Variants in IKZF2 observed in about 807,000 individuals in gnomAD.
IKZF2 encodes the protein zinc finger protein Helios.
IKZF2 carries 15 observed loss-of-function variants against 49.2 expected under a neutral mutation model. The ratio of observed to expected loss-of-function variants is 0.30; its 90% CI spans 0.20 to 0.47. The LOEUF (loss-of-function observed/expected upper bound fraction) is 0.47, where lower values mean the gene tolerates loss of function less well. Ranked by LOEUF, IKZF2 falls within the 20% of genes least tolerant of loss-of-function variation. The pLI is 1.00. For synonymous variants in IKZF2, 227 were observed against 221.4 expected, an observed-to-expected ratio of 1.03 and a Z score of -0.23; for missense variants, 567 against 664.6, an observed-to-expected ratio of 0.85 and a Z score of 1.61.
At chr2:213,149,452 T>C (rs1434767336) in intron 2 of IKZF2, among the ~76,000 whole-genome samples, 1 of 152,146 alleles carries the variant, frequency 6.6e-6, no homozygotes, top group Non-Finnish European at 1.5e-5. Flanking sequence ...TGACACCCCC[T>C]AGCTTTGATT....
At chr2:213,074,266 G>A (rs77320219) in intron 4 of IKZF2, among the ~76,000 whole-genome samples, 4 of 152,122 alleles carry the variant, frequency 2.6e-5, no homozygotes, top group African/African-American at 9.7e-5. Context: ...GTCCTTAGCT[G>A]TGAACACTAT....
chr2:213,039,423 A>G (rs545134346), intron 6 of IKZF2, among the ~76,000 whole-genome samples: 6 of 152,214 alleles, frequency 3.9e-5, no homozygotes, highest in Admixed American at 6.5e-5. Flanking sequence ...GGGGATTTAT[A>G]TGGTACATCT....
chr2:213,030,254 T>G (rs1698261779), intron 6 of IKZF2, among the ~76,000 whole-genome samples: 1 of 152,146 alleles, frequency 6.6e-6, no homozygotes, highest in South Asian at 2.1e-4. Context: ...TTTAGAAATA[T>G]CCACACCTAC....
intron 4 of IKZF2, among the ~76,000 whole-genome samples, chr2:213,128,159 G>C (rs13382408): frequency 0.055 from 8,312 of 152,214 alleles, 751 homozygotes; most frequent in African/African-American, 0.19. Context: ...TAGAATGCAA[G>C]TGGTAACTTT....
intron 4 of IKZF2, among the ~76,000 whole-genome samples, chr2:213,112,401 A>C (rs2059737734): frequency 7.1e-6 from 1 of 140,092 alleles, no homozygotes; most frequent in East Asian, 2.0e-4. Context: ...GTCTAAATAC[A>C]TATTAATGTT....
chr2:213,047,948 G>T (rs1321868933), intron 6 of IKZF2, among the ~76,000 whole-genome samples: 2 of 151,940 alleles, frequency 1.3e-5, no homozygotes, highest in African/African-American at 4.8e-5. Context: ...GTATTTGATT[G>T]GAAGAAGAAC....
At chr2:213,074,707 G>C (rs1199186713) in intron 4 of IKZF2, among the ~76,000 whole-genome samples, 1 of 152,090 alleles carries the variant, frequency 6.6e-6, no homozygotes, top group East Asian at 1.9e-4. Flanking sequence ...TAAGAATCTA[G>C]ATTCTGTTCT....
chr2:213,078,640 C>T (rs1002555740), intron 4 of IKZF2, among the ~76,000 whole-genome samples: 2 of 152,214 alleles, frequency 1.3e-5, no homozygotes, highest in Non-Finnish European at 2.9e-5. Flanking sequence ...CCTCTAAATA[C>T]TGTGTTTCTT....
intron 4 of IKZF2, among the ~76,000 whole-genome samples, chr2:213,115,928 T>C (rs879689624): frequency 1.3e-5 from 2 of 149,202 alleles, no homozygotes; most frequent in Admixed American, 1.3e-4. Flanking sequence ...AAAAAAAAGC[T>C]GTGTAACATC....
chr2:213,049,918 G>T (rs1291595762), intron 5 of IKZF2, 38 bp from the exon 6 acceptor site: 8 of 1,415,340 alleles, frequency 5.7e-6, no homozygotes, highest in African/African-American at 1.4e-5. Context: ...ATCAACTAGG[G>T]TATGTGCAAG....
intron 4 of IKZF2, among the ~76,000 whole-genome samples, chr2:213,117,515 T>C (rs181231724): frequency 5.3e-5 from 8 of 152,168 alleles, no homozygotes; most frequent in African/African-American, 1.9e-4. Context: ...CCAGAAAAAA[T>C]GCTAGGCACA....
intron 4 of IKZF2, among the ~76,000 whole-genome samples, chr2:213,134,120 C>A (rs2060571641): frequency 6.6e-6 from 1 of 152,186 alleles, no homozygotes; most frequent in African/African-American, 2.4e-5. Context: ...AGAGTATGAT[C>A]TCAAGAAAGT....
At chr2:213,094,990 T>C (rs1003889713) in intron 4 of IKZF2, among the ~76,000 whole-genome samples, 5 of 152,148 alleles carry the variant, frequency 3.3e-5, no homozygotes, top group Admixed American at 1.3e-4. Flanking sequence ...TGAAGTGGTA[T>C]ATGAGAATTA....
chr2:213,142,958 T>C (rs962361673), intron 4 of IKZF2, among the ~76,000 whole-genome samples: 2 of 151,958 alleles, frequency 1.3e-5, no homozygotes, highest in Non-Finnish European at 2.9e-5. Context: ...AACAGAGGTA[T>C]ATTGGGTCTC....
chr2:213,058,376 GTCC>G (rs1701365902), intron 4 of IKZF2, among the ~76,000 whole-genome samples: 1 of 152,044 alleles, frequency 6.6e-6, no homozygotes, highest in South Asian at 2.1e-4. Flanking sequence ...ATTTCACCAT[GTCC>G]TTTATAAAAC....
intron 4 of IKZF2, among the ~76,000 whole-genome samples, chr2:213,130,441 C>T (rs1003295074): frequency 1.3e-5 from 2 of 152,088 alleles, no homozygotes; most frequent in Non-Finnish European, 2.9e-5. Context: ...CCAAAATATC[C>T]GTAAACTTCA....
chr2:213,137,254 CAT>C (rs1302982123), intron 4 of IKZF2, among the ~76,000 whole-genome samples: 1 of 152,022 alleles, frequency 6.6e-6, no homozygotes, highest in African/African-American at 2.4e-5. Flanking sequence ...AGAAAAATCT[CAT>C]ATTTCTTTTT....
At chr2:213,052,083 T>C (rs974606284) in intron 5 of IKZF2, among the ~76,000 whole-genome samples, 2 of 152,032 alleles carry the variant, frequency 1.3e-5, no homozygotes, top group Non-Finnish European at 2.9e-5. Flanking sequence ...TTCACCTAAT[T>C]GAGTTTTATG....
At chr2:213,037,518 G>T (rs1473988844) in intron 6 of IKZF2, among the ~76,000 whole-genome samples, 2 of 152,166 alleles carry the variant, frequency 1.3e-5, no homozygotes, top group African/African-American at 4.8e-5. Flanking sequence ...AATCAAATGG[G>T]CTGTCTTACA....
Sources: allele counts gnomAD v4.1 joint callset (sites outside exome capture counted in the v4.1 genomes callset), GRCh38; gene constraint gnomAD v4.1.1; transcripts MANE v1.5; gene names NCBI Gene and HGNC (gene_info 2026-07-23, HGNC 2026-07-21).